Variants in ADGRL1 observed in about 807,000 individuals in gnomAD.
The protein encoded by ADGRL1 is adhesion G protein-coupled receptor L1.
Under a neutral mutation model 148.9 loss-of-function variants are expected in ADGRL1, and 31 were observed. That is an observed-to-expected ratio of 0.21 (90% CI 0.16 to 0.28). The LOEUF is 0.28. Ranked by LOEUF, ADGRL1 falls within the 10% of genes least tolerant of loss-of-function variation. The probability of loss-of-function intolerance (pLI) is 1.00; values close to 1 mark genes in which losing one functional copy is unlikely to be tolerated. For synonymous variants in ADGRL1, 937 were observed against 900.3 expected, an observed-to-expected ratio of 1.04 and a Z score of -0.73; for missense variants, 1,521 against 2,058.8, an observed-to-expected ratio of 0.74 and a Z score of 5.05.
intron 1 of ADGRL1, among the ~76,000 whole-genome samples, chr19:14,184,627 TTTA>T (rs765315941): frequency 0.14 from 18,326 of 133,076 alleles, 1,587 homozygotes; most frequent in Non-Finnish European, 0.18. Flanking sequence ...TATTTATTTA[TTTA>T]TTTATTTATT....
At chr19:14,185,705 T>C (rs1315918466) in intron 1 of ADGRL1, among the ~76,000 whole-genome samples, 1 of 152,222 alleles carries the variant, frequency 6.6e-6, no homozygotes, top group African/African-American at 2.4e-5. Flanking sequence ...CTCAGTACCA[T>C]CATTGAGCCA....
At chr19:14,156,567 G>GTGTGT (rs766748108) in intron 16 of ADGRL1, 91 bp downstream of exon 16, 7 of 803,032 alleles carry the variant, frequency 8.7e-6, no homozygotes, top group East Asian at 5.6e-5. Context: ...GTGTGTGTGT[G>GTGTGT]GGGGGGGTGG....
chr19:14,158,135 GATGGTAC>G (rs1968958931), intron 12 of ADGRL1, 83 bp from the exon 13 acceptor site: 1 of 1,449,696 alleles, frequency 6.9e-7, no homozygotes, highest in African/African-American at 1.4e-5. Flanking sequence ...TGGCAACAGG[GATGGTAC>G]CAAGTATCAA....
At chr19:14,167,770 G>A (rs534753153) in intron 4 of ADGRL1, among the ~76,000 whole-genome samples, 1 of 152,042 alleles carries the variant, frequency 6.6e-6, no homozygotes, top group African/African-American at 2.4e-5. Flanking sequence ...GAGAGGTGGC[G>A]GGGGTGGGGG....
chr19:14,198,784 C>T (rs1292832064), intron 1 of ADGRL1, among the ~76,000 whole-genome samples: 3 of 152,184 alleles, frequency 2.0e-5, no homozygotes, highest in African/African-American at 7.2e-5. Context: ...TCCACCATAC[C>T]CCTCCTCCCC....
In ADGRL1 at chr19:14,172,778, A is replaced by G. The variant is rs1218977449; in HGVS notation, c.285-1987T>C. 2.6e-5 allele frequency among the ~76,000 whole-genome samples: 4 copies of G among 152,226 alleles called. No individual in the cohort carries two copies. The East Asian group carries it at 7.7e-4, about 29-fold the overall frequency. Reference sequence around the variant, plus strand: ...GTAGCCTGATGAAATCTCATGCTGTATGGGGCGTGTCCATGCTGTATTTGC... The same window carrying G: ...GTAGCCTGATGAAATCTCATGCTGTGTGGGGCGTGTCCATGCTGTATTTGC... On this transcript the variant is annotated intron_variant, in intron 3 of 22. Transcript: ENST00000361434.
chr19:14,192,564 G>T (rs1339840488), intron 1 of ADGRL1, among the ~76,000 whole-genome samples: 1 of 150,400 alleles, frequency 6.6e-6, no homozygotes, highest in East Asian at 2.0e-4. Context: ...GTTTTGAGAC[G>T]GAGTCTTGCT....
chr19:14,160,434 A>G lies in ADGRL1; in HGVS notation c.1615-137T>C. 1 of 946,274 alleles carries G rather than the reference A, an allele frequency of 1.1e-6. No homozygotes were observed. Among genetic ancestry groups the G allele is most frequent in the Non-Finnish European group, 1.6e-6 (1 of 642,916 alleles). The allele number at this position is 946,274 out of a possible 1,614,324, so 58.6% of individuals were successfully genotyped here. A position where few individuals can be genotyped will look rare whatever the true frequency, so the allele number is the denominator to read the frequency against. On this transcript the variant is annotated intron_variant, in intron 7 of 22. Transcript: ENST00000361434. This position sits in a 1 kb window ranked among gnomAD's most constrained non-coding sequence, Gnocchi z 5.9. ...ATCGCCATCTGCCCCTTCCCACCCC[A>G]TCTGTCCCTGCTCCCTTTGTAGGCC...
chr19:14,193,330 C>T (rs1972067889), intron 1 of ADGRL1, among the ~76,000 whole-genome samples: 1 of 144,250 alleles, frequency 6.9e-6, no homozygotes, highest in Admixed American at 7.0e-5. Context: ...CTCACACCTA[C>T]AACCCCAGTA....
At chr19:14,176,654 T>C (rs561007150) in intron 3 of ADGRL1, among the ~76,000 whole-genome samples, 11 of 151,836 alleles carry the variant, frequency 7.2e-5, no homozygotes, top group African/African-American at 1.2e-4. Flanking sequence ...CTGGGCAACA[T>C]AGCAAGACCC....
chr19:14,198,033 G>A (rs1423311916), intron 1 of ADGRL1, among the ~76,000 whole-genome samples: 2 of 152,132 alleles, frequency 1.3e-5, no homozygotes, highest in Non-Finnish European at 2.9e-5. Context: ...TTGAGGAGGT[G>A]AGCCATCTAG....
intron 18 of ADGRL1, among the ~76,000 whole-genome samples, chr19:14,154,806 G>A (rs916908970): frequency 2.7e-5 from 4 of 150,918 alleles, no homozygotes; most frequent in Non-Finnish European, 5.9e-5. Context: ...AAGTAGAGAC[G>A]GGGTTTCACC....
At position 14,163,184 on chromosome 19, in the gene ADGRL1, A is replaced by G; in HGVS notation, c.617T>C (p.Val206Ala). The change falls in exon 5 of 23, where the codon GTG becomes GCG. Residue 206 changes from valine (V) to alanine (A), a missense_variant. Physicochemically the swap from Val to Ala is moderately conservative, Grantham distance 64. Around this residue, in one of 8 missense-constraint regions of ADGRL1, gnomAD observed 334 missense variants for 512.5 expected, o/e 0.65. Coordinates refer to ENST00000361434, the MANE Select transcript of ADGRL1 (RefSeq NM_014921.5). ...GTAGACCACAAAGCCTGTGCCATCC[A>G]CGCGGTTGGGCAGGCGGTAGGTGGT... ...HTTTYRLPNR[V>A]DGTGFVVYDG... The G allele has an allele frequency of 6.2e-7, 1 of 1,613,998 alleles. No individual in the cohort carries two copies. The highest frequency in any genetic ancestry group is 2.2e-5 in the East Asian group (1 of 44,866).
intron 16 of ADGRL1, 85 bp downstream of exon 16, chr19:14,156,573 G>T (rs1968779450): frequency 7.9e-6 from 7 of 880,608 alleles, no homozygotes; most frequent in African/African-American, 3.5e-5. Context: ...GTGTGGGGGG[G>T]GTGGGGGGCG....
intron 3 of ADGRL1, among the ~76,000 whole-genome samples, chr19:14,176,536 G>A (rs1337598591): frequency 6.6e-6 from 1 of 151,992 alleles, no homozygotes; most frequent in African/African-American, 2.4e-5. Context: ...GTAGCCTGAT[G>A]AGCTCTCAAA....
Position 14,155,631 on chromosome 19 carries a change from C to T in ADGRL1, c.3126-104G>A. On this transcript the variant is annotated intron_variant, in intron 17 of 22. Transcript: ENST00000361434. The surrounding 1 kb of genome is among the most constrained non-coding windows in gnomAD (Gnocchi z 5.0). ...ACGGGGGCCCTTGGGTGGGCCTGGG[C>T]ACTGTCTGCAAAGCCCTGAGCGGGC... 2 of 1,219,498 alleles carry T rather than the reference C, an allele frequency of 1.6e-6. No homozygotes were observed. The highest frequency in any genetic ancestry group is 2.5e-5 in the East Asian group (1 of 40,536). The allele number at this position is 1,219,498 out of a possible 1,614,324, so 75.5% of individuals were successfully genotyped here. A position where few individuals can be genotyped will look rare whatever the true frequency, so the allele number is the denominator to read the frequency against.
chr19:14,156,553 G>A (rs889925206), intron 16 of ADGRL1, 105 bp downstream of exon 16: 19 of 687,270 alleles, frequency 2.8e-5, no homozygotes, highest in Middle Eastern at 8.3e-4. Flanking sequence ...GAGAGAGAGA[G>A]TGTGTGTGTG....
chr19:14,177,218 C>G (rs1261120422), intron 3 of ADGRL1, among the ~76,000 whole-genome samples: 2 of 151,542 alleles, frequency 1.3e-5, no homozygotes, highest in Non-Finnish European at 2.9e-5. Context: ...CAGAGTAAGA[C>G]TCCATCTCAA....
At chr19:14,154,071 G>C (rs940826988) in intron 18 of ADGRL1, among the ~76,000 whole-genome samples, 1 of 152,124 alleles carries the variant, frequency 6.6e-6, no homozygotes, top group Non-Finnish European at 1.5e-5. Context: ...GCAGAGGTTG[G>C]AGGGAGGGGA....
Sources: gnomAD v4.1 joint callset for allele counts (sites outside exome capture counted in the v4.1 genomes callset) on GRCh38, gnomAD v4.1.1 for gene constraint, gnomAD v4.1.1 regional missense constraint, Gnocchi (gnomAD v3.1) non-coding constraint, MANE v1.5 for transcripts, NCBI Gene and HGNC (gene_info 2026-07-23, HGNC 2026-07-21) for gene names.